Variants in GRIA4 observed in about 807,000 individuals in gnomAD.
The protein encoded by GRIA4 is glutamate ionotropic receptor AMPA type subunit 4, also known as glutamate receptor 4.
GRIA4 carries 34 observed loss-of-function variants against 104.0 expected under a neutral mutation model. The observed-to-expected ratio is 0.33, with a 90% CI of 0.25 to 0.44. GRIA4 has a LOEUF of 0.44. Among genes scored for constraint, GRIA4 ranks in the 20% least tolerant of loss-of-function variants. The probability of loss-of-function intolerance (pLI) is 1.00; values close to 1 mark genes in which losing one functional copy is unlikely to be tolerated. For missense variants in GRIA4, 750 were observed against 1,096.5 expected, an observed-to-expected ratio of 0.68 and a Z score of 4.46; for synonymous variants, 386 against 381.9, an observed-to-expected ratio of 1.01 and a Z score of -0.13.
chr11:105,809,328 C>A (rs907965035), intron 4 of GRIA4, among the ~76,000 whole-genome samples: 3 of 152,124 alleles, frequency 2.0e-5, no homozygotes, highest in African/African-American at 7.2e-5. Flanking sequence ...GGATATCCAT[C>A]ACCTCAAACA....
intron 5 of GRIA4, among the ~76,000 whole-genome samples, chr11:105,883,698 C>T (rs1308137919): frequency 6.6e-6 from 1 of 152,066 alleles, no homozygotes. Context: ...TGGGTTGGTT[C>T]CAAGTCTTTG....
rs146219059 is a variant in GRIA4 at position 105,646,849 on chromosome 11, A to G, written c.247+34415A>G. The stretch of plus-strand genomic sequence containing the variant: ...AAAACTATAAAAACCCTGGAAGACA[A>G]CCTAGGCAATACCATTCAGAACATA... On this transcript the variant is annotated intron_variant, in intron 3 of 16. Transcript: ENST00000282499. Among the ~76,000 whole-genome samples, 685 of 152,286 alleles carry G rather than the reference A, an allele frequency of 4.5e-3. 13 individuals carry two copies. The highest frequency in any genetic ancestry group is 0.015 in the African/African-American group (639 of 41,562).
chr11:105,883,359 T>C (rs761676507), intron 5 of GRIA4, among the ~76,000 whole-genome samples: 6 of 151,612 alleles, frequency 4.0e-5, no homozygotes, highest in Non-Finnish European at 8.8e-5. Context: ...ACATGCGCCA[T>C]GTTGGTGTGC....
At chr11:105,773,990 AAATT>A (rs1240722069) in intron 4 of GRIA4, among the ~76,000 whole-genome samples, 1 of 151,860 alleles carries the variant, frequency 6.6e-6, no homozygotes, top group African/African-American at 2.4e-5. Context: ...TTAAGATATA[AAATT>A]AATTATGCTA....
rs79758037 is a variant in GRIA4, at chr11:105,850,097, C to G, written c.488-11927C>G. ...TTTCTACCAAAATGTCGGTGGCACA[C>G]GGTACCATTGTGAAAAAAAAGCAAA... On this transcript the variant is annotated intron_variant, in intron 4 of 16. Transcript: ENST00000282499. Among the ~76,000 whole-genome samples, 228 of 152,134 alleles carry G rather than the reference C, an allele frequency of 1.5e-3. 1 individual carries two copies. Among genetic ancestry groups the G allele is most frequent in the African/African-American group, 5.2e-3 (216 of 41,514 alleles).
rs553046270 is a variant in GRIA4, at chr11:105,895,825, C to T, written c.727-2444C>T. On this transcript the variant is annotated intron_variant, in intron 6 of 16. Transcript: ENST00000282499. ...GTGCTCTTCTCTTGGACTACCATTT[C>T]TCGGGGCACTTAGACTGATTCCATG... Among the ~76,000 whole-genome samples the T allele has an allele frequency of 5.3e-5, 8 of 152,224 alleles. 1 individual carries two copies. The South Asian group carries it at 1.5e-3, about 28-fold the overall frequency.
chr11:105,880,639 C>A (rs1415416730), intron 5 of GRIA4, among the ~76,000 whole-genome samples: 2 of 152,056 alleles, frequency 1.3e-5, no homozygotes, highest in South Asian at 2.1e-4. Flanking sequence ...TAATAAAAAA[C>A]CGGTACTAAG....
intron 8 of GRIA4, among the ~76,000 whole-genome samples, chr11:105,904,484 C>T (rs183047042): frequency 6.6e-6 from 1 of 152,264 alleles, no homozygotes; most frequent in Admixed American, 6.5e-5. Context: ...ACAAGGGGTT[C>T]AGGAAGTATA....
At chr11:105,803,902 T>C (rs897364948) in intron 4 of GRIA4, among the ~76,000 whole-genome samples, 2 of 150,630 alleles carry the variant, frequency 1.3e-5, no homozygotes, top group Admixed American at 6.6e-5. Context: ...TACTAGTATC[T>C]TGGAGGTTAC....
At chr11:105,768,884 T>C (rs1173758773) in intron 4 of GRIA4, among the ~76,000 whole-genome samples, 1 of 152,084 alleles carries the variant, frequency 6.6e-6, no homozygotes, top group East Asian at 1.9e-4. Flanking sequence ...GAAGACCCCA[T>C]ATCAGATTTG....
At chr11:105,947,504 A>C (rs1301306440) in intron 14 of GRIA4, among the ~76,000 whole-genome samples, 2 of 152,196 alleles carry the variant, frequency 1.3e-5, no homozygotes, top group Non-Finnish European at 2.9e-5. Context: ...AATCTCACTC[A>C]GGGAAACAAT....
chr11:105,925,519 C>T (rs1043392546), intron 12 of GRIA4, among the ~76,000 whole-genome samples: 8 of 152,090 alleles, frequency 5.3e-5, no homozygotes, highest in Non-Finnish European at 1.0e-4. Context: ...TATATATTAG[C>T]ATCACAAATA....
intron 4 of GRIA4, among the ~76,000 whole-genome samples, chr11:105,786,089 G>A (rs1941949892): frequency 6.9e-6 from 1 of 145,534 alleles, no homozygotes; most frequent in African/African-American, 2.6e-5. Flanking sequence ...AGGTGGCAGT[G>A]AGCCGAGATC....
intron 4 of GRIA4, among the ~76,000 whole-genome samples, chr11:105,781,378 G>A (rs1941719111): frequency 6.6e-6 from 1 of 152,064 alleles, no homozygotes; most frequent in African/African-American, 2.4e-5. Context: ...GGATGTCCTA[G>A]TTGTTTTACT....
At chr11:105,757,707 G>T (rs1157613388) in intron 4 of GRIA4, among the ~76,000 whole-genome samples, 1 of 151,986 alleles carries the variant, frequency 6.6e-6, no homozygotes, top group East Asian at 1.9e-4. Context: ...CATCAACTGG[G>T]TGCTGTTCTT....
chr11:105,674,135 C>T (rs1353708465), intron 3 of GRIA4, among the ~76,000 whole-genome samples: 2 of 151,972 alleles, frequency 1.3e-5, no homozygotes, highest in African/African-American at 4.8e-5. Context: ...ATAGTGAGCA[C>T]TTTTAATATG....
chr11:105,708,970 G>A (rs1235644397), intron 3 of GRIA4, among the ~76,000 whole-genome samples: 1 of 152,012 alleles, frequency 6.6e-6, no homozygotes, highest in Non-Finnish European at 1.5e-5. Flanking sequence ...GACATTCCAA[G>A]AACATTCCAG....
At chr11:105,920,406 A>G (rs1289071609) in intron 11 of GRIA4, among the ~76,000 whole-genome samples, 1 of 152,098 alleles carries the variant, frequency 6.6e-6, no homozygotes, top group African/African-American at 2.4e-5. Context: ...ACTGTAATTC[A>G]TTTCCTTTAG....
chr11:105,970,389 T>C (rs1858623798), intron 14 of GRIA4, among the ~76,000 whole-genome samples: 1 of 152,168 alleles, frequency 6.6e-6, no homozygotes, highest in Non-Finnish European at 1.5e-5. Context: ...ATTTTGTGAG[T>C]CTTCTGCTAT....
Sources: allele counts gnomAD v4.1 joint callset (sites outside exome capture counted in the v4.1 genomes callset), GRCh38; gene constraint gnomAD v4.1.1; transcripts MANE v1.5; gene names NCBI Gene and HGNC (gene_info 2026-07-23, HGNC 2026-07-21).